Variants in FAT3 observed in about 807,000 individuals in gnomAD.
FAT3 encodes the protein FAT atypical cadherin 3, also known as protocadherin Fat 3.
In FAT3, 95 loss-of-function variants were observed where a neutral mutation model predicts 310.2. That is an observed-to-expected ratio of 0.31 (90% CI 0.26 to 0.36). FAT3 has a LOEUF of 0.36. Among genes scored for constraint, FAT3 ranks in the 10% least tolerant of loss-of-function variants. The pLI is 1.00. For synonymous variants in FAT3, 2,314 were observed against 2,192.9 expected, an observed-to-expected ratio of 1.06 and a Z score of -1.54; for missense variants, 5,408 against 5,715.6, an observed-to-expected ratio of 0.95 and a Z score of 1.74.
intron 22 of FAT3, among the ~76,000 whole-genome samples, chr11:92,878,662 A>C (rs1377629895): frequency 1.3e-5 from 1 of 75,368 alleles, no homozygotes; most frequent in Non-Finnish European, 2.3e-5. Flanking sequence ...AAAAAAAAAA[A>C]AAAAAGCTCC....
chr11:92,306,293 A>G (rs1947112796), intron 1 of FAT3, among the ~76,000 whole-genome samples: 1 of 151,060 alleles, frequency 6.6e-6, no homozygotes, highest in Non-Finnish European at 1.5e-5. Flanking sequence ...TACCAATGAG[A>G]AAATATATTC....
At chr11:92,274,097 T>G (rs1241097530) in intron 1 of FAT3, among the ~76,000 whole-genome samples, 1 of 152,094 alleles carries the variant, frequency 6.6e-6, no homozygotes. Flanking sequence ...TTCTGAAACT[T>G]TCATTATTAC....
intron 4 of FAT3, among the ~76,000 whole-genome samples, chr11:92,708,817 G>C (rs1944437467): frequency 6.6e-6 from 1 of 152,178 alleles, no homozygotes; most frequent in Non-Finnish European, 1.5e-5. Context: ...CAAAAGCTTA[G>C]AGATTTATCA....
In FAT3 at chr11:92,835,058, G is replaced by A. The variant is rs1214251877; in HGVS notation, c.10060G>A (p.Ala3354Thr). 6.8e-6 allele frequency: 11 copies of A among 1,612,874 alleles called. No individual in the cohort carries two copies. Among genetic ancestry groups the A allele is most frequent in the Admixed American group, 5.0e-5 (3 of 59,924 alleles). ...DVYSAVISED[A>T]LVGDSVILLI... ...CTACAGTGCGGTTATCAGTGAAGAC[G>A]CCTTGGTGGGAGACTCTGTCATTTT... Residue 3354 changes from alanine to threonine, a missense_variant, in exon 15 of 28, where the codon GCC becomes ACC. Ala to Thr is a moderately conservative substitution (Grantham distance 58). Around this residue, in one of 5 missense-constraint regions of FAT3, gnomAD observed 4,588 missense variants for 4,809.8 expected, o/e 0.95. Coordinates refer to ENST00000525166, the MANE Select transcript of FAT3 (RefSeq NM_001367949.2).
chr11:92,583,299 G>T (rs1283751908), intron 3 of FAT3, among the ~76,000 whole-genome samples: 1 of 152,032 alleles, frequency 6.6e-6, no homozygotes, highest in Non-Finnish European at 1.5e-5. Flanking sequence ...AGCTTTACAA[G>T]ATAGCTTTCT....
At chr11:92,739,705 A>G (rs1404584137) in intron 4 of FAT3, among the ~76,000 whole-genome samples, 1 of 152,214 alleles carries the variant, frequency 6.6e-6, no homozygotes, top group Non-Finnish European at 1.5e-5. Flanking sequence ...AGTTGGAGCA[A>G]ATAACCTTCC....
chr11:92,821,295 A>G (rs1261194236), intron 13 of FAT3, among the ~76,000 whole-genome samples: 3 of 152,204 alleles, frequency 2.0e-5, no homozygotes, highest in East Asian at 1.9e-4. Context: ...GCTTTTTTGT[A>G]TACTCCAGTA....
At chr11:92,445,255 A>G (rs893950220) in intron 2 of FAT3, among the ~76,000 whole-genome samples, 38 of 152,214 alleles carry the variant, frequency 2.5e-4, no homozygotes, top group African/African-American at 9.2e-4. Context: ...TCTCAAGCCC[A>G]GCTGTGTTTT....
At chr11:92,771,779 T>C (rs891410586) in intron 6 of FAT3, among the ~76,000 whole-genome samples, 1 of 148,544 alleles carries the variant, frequency 6.7e-6, no homozygotes, top group Non-Finnish European at 1.5e-5. Flanking sequence ...AAAAAAAACA[T>C]AAAATTAGCC....
At chr11:92,833,002 A>T (rs1948307289) in intron 14 of FAT3, among the ~76,000 whole-genome samples, 1 of 152,210 alleles carries the variant, frequency 6.6e-6, no homozygotes. Flanking sequence ...CCTAGGAAAT[A>T]AAAAGGTGCT....
rs531057692 is a variant in FAT3 at position 92,274,440 on chromosome 11, G to A, written c.-18+49266G>A. 5.3e-5 allele frequency among the ~76,000 whole-genome samples: 8 copies of A among 152,086 alleles called. No individual in the cohort carries two copies. In the South Asian group the frequency reaches 1.7e-3, roughly 32 times the overall value. On this transcript the variant is annotated intron_variant, in intron 1 of 27. Transcript: ENST00000525166. Reference sequence around the variant, plus strand: ...AAATAGTATAAATATGTTTTAAATGGTAGCTTTAAATTTAAAGACCCAGGT... The same window carrying A: ...AAATAGTATAAATATGTTTTAAATGATAGCTTTAAATTTAAAGACCCAGGT...
intron 2 of FAT3, among the ~76,000 whole-genome samples, chr11:92,450,922 A>C (rs542637176): frequency 6.6e-6 from 1 of 152,304 alleles, no homozygotes; most frequent in Non-Finnish European, 1.5e-5. Flanking sequence ...TCTAGAAATC[A>C]AGAAGTTTTA....
At chr11:92,423,042 G>A (rs547013717) in intron 2 of FAT3, among the ~76,000 whole-genome samples, 109 of 152,298 alleles carry the variant, frequency 7.2e-4, no homozygotes, top group Non-Finnish European at 1.3e-3. Flanking sequence ...TCTATTTGAT[G>A]TGTTTACACT....
chr11:92,238,118 A>G (rs1189565714), intron 1 of FAT3, among the ~76,000 whole-genome samples: 3 of 152,278 alleles, frequency 2.0e-5, no homozygotes, highest in Admixed American at 6.5e-5. Flanking sequence ...AATAACATCA[A>G]GAGTAGCAGC....
chr11:92,547,015 T>C (rs1170991271), intron 3 of FAT3, among the ~76,000 whole-genome samples: 1 of 152,214 alleles, frequency 6.6e-6, no homozygotes, highest in Non-Finnish European at 1.5e-5. Context: ...GTAAGGTCTC[T>C]TTAGATCAAG....
intron 4 of FAT3, among the ~76,000 whole-genome samples, chr11:92,728,565 T>G (rs1384552378): frequency 6.6e-6 from 1 of 152,158 alleles, no homozygotes; most frequent in Non-Finnish European, 1.5e-5. Context: ...GGGGCTGCTA[T>G]AAAACAAATT....
At chr11:92,387,807 C>G (rs929689862) in intron 2 of FAT3, among the ~76,000 whole-genome samples, 1 of 152,176 alleles carries the variant, frequency 6.6e-6, no homozygotes, top group Admixed American at 6.5e-5. Flanking sequence ...TGAGGAGGAA[C>G]AGCAGTGGAG....
At chr11:92,580,216 C>T (rs1326039653) in intron 3 of FAT3, among the ~76,000 whole-genome samples, 1 of 151,988 alleles carries the variant, frequency 6.6e-6, no homozygotes, top group Non-Finnish European at 1.5e-5. Flanking sequence ...TTCATTTTAA[C>T]CCCAGTTTTG....
intron 3 of FAT3, among the ~76,000 whole-genome samples, chr11:92,690,288 G>T (rs955606639): frequency 9.2e-5 from 14 of 152,236 alleles, no homozygotes; most frequent in Non-Finnish European, 1.9e-4. Context: ...TTCATACTTT[G>T]GTTTAAAATG....
Sources: allele counts gnomAD v4.1 joint callset (sites outside exome capture counted in the v4.1 genomes callset), GRCh38; gene constraint gnomAD v4.1.1; regional missense constraint gnomAD v4.1.1; transcripts MANE v1.5; gene names NCBI Gene and HGNC (gene_info 2026-07-23, HGNC 2026-07-21).